Variants in ADK observed in about 807,000 individuals in gnomAD.
ADK encodes adenosine kinase.
Under a neutral mutation model 44.7 loss-of-function variants are expected in ADK, and 24 were observed. The ratio of observed to expected loss-of-function variants is 0.54; its 90% CI spans 0.39 to 0.76. The LOEUF (loss-of-function observed/expected upper bound fraction) is 0.76, where lower values mean the gene tolerates loss of function less well. Ranked by LOEUF, ADK falls within the 30% of genes least tolerant of loss-of-function variation. The pLI, the probability that ADK is intolerant of heterozygous loss-of-function variation, is 0.00. For missense variants in ADK, 321 were observed against 425.1 expected, an observed-to-expected ratio of 0.76 and a Z score of 2.15; for synonymous variants, 128 against 142.6, an observed-to-expected ratio of 0.90 and a Z score of 0.73.
intron 9 of ADK, among the ~76,000 whole-genome samples, chr10:74,653,010 A>G (rs1854329183): frequency 6.6e-6 from 1 of 152,268 alleles, no homozygotes; most frequent in South Asian, 2.1e-4. Flanking sequence ...ACCCGTCACT[A>G]TTATTGACGG....
rs533084073 is a variant in ADK at position 74,661,071 on chromosome 10, A to T, written c.878-9112A>T. Among the ~76,000 whole-genome samples, 44 of 152,224 alleles carry T rather than the reference A, an allele frequency of 2.9e-4. No individual in the cohort carries two copies. The South Asian group carries it at 9.1e-3, about 32-fold the overall frequency. On this transcript the variant is annotated intron_variant, in intron 9 of 10. Transcript: ENST00000539909. ...GGAAAAAGGAGAATTTAATCTGATT[A>T]CCAGATTGTAAATGGCAAATCTGGA... is the stretch of plus-strand genomic sequence containing the variant.
At chr10:74,678,308 C>T (rs543586437) in intron 10 of ADK, among the ~76,000 whole-genome samples, 14 of 152,168 alleles carry the variant, frequency 9.2e-5, no homozygotes, top group African/African-American at 2.2e-4. Flanking sequence ...GAAGCTAGAC[C>T]AGCACCAAAT....
At chr10:74,371,209 G>T (rs1592114170) in intron 4 of ADK, among the ~76,000 whole-genome samples, 1 of 152,184 alleles carries the variant, frequency 6.6e-6, no homozygotes, top group Non-Finnish European at 1.5e-5. Context: ...AGATTTAGGA[G>T]TAACTGCTAA....
intron 7 of ADK, among the ~76,000 whole-genome samples, chr10:74,566,459 C>T (rs112367568): frequency 0.025 from 3,758 of 152,178 alleles, 138 homozygotes; most frequent in African/African-American, 0.074. Context: ...TCCTCAGTCT[C>T]CCAACGTGCT....
At chr10:74,440,620 A>G (rs1845370725) in intron 6 of ADK, among the ~76,000 whole-genome samples, 1 of 152,158 alleles carries the variant, frequency 6.6e-6, no homozygotes, top group Non-Finnish European at 1.5e-5. Context: ...ATAGATGTTA[A>G]TGTTTTAAAA....
chr10:74,504,408 C>T (rs1033934116), intron 6 of ADK, among the ~76,000 whole-genome samples: 3 of 152,100 alleles, frequency 2.0e-5, no homozygotes, highest in African/African-American at 4.8e-5. Flanking sequence ...TCCCCTCCCC[C>T]GGGTAGTTGA....
chr10:74,638,708 C>G (rs6480742), intron 9 of ADK, among the ~76,000 whole-genome samples: 31,830 of 152,128 alleles, frequency 0.21, 4,052 homozygotes, highest in African/African-American at 0.34. Flanking sequence ...TATTAATGAG[C>G]TTTTCTTTTA....
chr10:74,421,064 T>C (rs955290754), intron 6 of ADK, among the ~76,000 whole-genome samples: 1 of 152,132 alleles, frequency 6.6e-6, no homozygotes, highest in African/African-American at 2.4e-5. Context: ...GTTAGGGATT[T>C]CAGGATAGAA....
At chr10:74,211,500 T>C (rs1843810677) in intron 2 of ADK, among the ~76,000 whole-genome samples, 1 of 152,226 alleles carries the variant, frequency 6.6e-6, no homozygotes, top group Non-Finnish European at 1.5e-5. Context: ...GATCATTTGC[T>C]AAATCTGTTA....
chr10:74,565,022 G>A (rs1850602733), intron 7 of ADK, among the ~76,000 whole-genome samples: 1 of 152,146 alleles, frequency 6.6e-6, no homozygotes, highest in Admixed American at 6.6e-5. Context: ...GGCATCTCCA[G>A]ATAGACTTTT....
intron 6 of ADK, among the ~76,000 whole-genome samples, chr10:74,422,662 C>T (rs934820840): frequency 6.6e-6 from 1 of 152,100 alleles, no homozygotes; most frequent in African/African-American, 2.4e-5. Context: ...GATCAATGGG[C>T]TGACTATATT....
intron 6 of ADK, among the ~76,000 whole-genome samples, chr10:74,507,226 T>C (rs901824402): frequency 6.6e-6 from 1 of 152,224 alleles, no homozygotes. Context: ...TCAGATTCTC[T>C]GAATTTGAGA....
intron 4 of ADK, among the ~76,000 whole-genome samples, chr10:74,353,811 T>A (rs964228665): frequency 1.3e-5 from 2 of 152,128 alleles, no homozygotes; most frequent in African/African-American, 4.8e-5. Flanking sequence ...GAGCTTGCAG[T>A]GAGCTGAGAT....
intron 9 of ADK, among the ~76,000 whole-genome samples, chr10:74,618,703 T>C (rs149761069): frequency 9.3e-4 from 141 of 152,292 alleles, no homozygotes; most frequent in African/African-American, 3.0e-3. Context: ...CCATTATCTT[T>C]TGGATTCTCT....
intron 1 of ADK, among the ~76,000 whole-genome samples, chr10:74,170,660 C>T (rs563452437): frequency 1.3e-5 from 2 of 151,682 alleles, no homozygotes; most frequent in Middle Eastern, 3.4e-3. Context: ...ATTTGCCGGG[C>T]GTGGTGGCGG....
At chr10:74,378,697 T>A (rs1339186625) in intron 4 of ADK, among the ~76,000 whole-genome samples, 1 of 152,172 alleles carries the variant, frequency 6.6e-6, no homozygotes, top group Non-Finnish European at 1.5e-5. Context: ...AGGTGAGATT[T>A]GGGTAAAGAC....
chr10:74,507,080 TATTAA>T (rs1233572158), intron 6 of ADK, among the ~76,000 whole-genome samples: 3 of 152,190 alleles, frequency 2.0e-5, no homozygotes, highest in Non-Finnish European at 4.4e-5. Flanking sequence ...CTTAACTGAG[TATTAA>T]ATTCTGAAGC....
chr10:74,463,183 G>C (rs1023114557), intron 6 of ADK, among the ~76,000 whole-genome samples: 1 of 151,924 alleles, frequency 6.6e-6, no homozygotes, highest in Admixed American at 6.6e-5. Flanking sequence ...GGACTGTTTC[G>C]TGGAAGATCA....
At chr10:74,226,547 T>C (rs551132050) in intron 3 of ADK, among the ~76,000 whole-genome samples, 1 of 152,386 alleles carries the variant, frequency 6.6e-6, no homozygotes, top group African/African-American at 2.4e-5. Flanking sequence ...TTCATCTGTT[T>C]TTTGGATGCA....
Sources: allele counts gnomAD v4.1 joint callset (sites outside exome capture counted in the v4.1 genomes callset), GRCh38; gene constraint gnomAD v4.1.1; transcripts MANE v1.5; gene names NCBI Gene and HGNC (gene_info 2026-07-23, HGNC 2026-07-21).